LOXL3: variants seen among roughly 807,000 people sequenced by gnomAD.
The protein encoded by LOXL3 is lysyl oxidase homolog 3.
Under a neutral mutation model 91.8 loss-of-function variants are expected in LOXL3, and 60 were observed. That is an observed-to-expected ratio of 0.65 (90% CI 0.53 to 0.81). The LOEUF (loss-of-function observed/expected upper bound fraction) is 0.81. LOXL3 is among the 30% of genes least tolerant of loss of function. The probability of loss-of-function intolerance (pLI) is 0.00; values close to 1 mark genes in which losing one functional copy is unlikely to be tolerated. For synonymous variants in LOXL3, 355 were observed against 387.6 expected (o/e 0.92, Z 0.99); for missense variants, 874 against 1,000.4 (o/e 0.87, Z 1.70).
Position 74,536,074 on chromosome 2 carries a change from G to A in LOXL3, c.1170C>T (p.Asn390=). ...ELSLWKCPHK[N]ITAEDCSHSQ... is the part of the protein sequence containing the mutation. ...TATGTGAACAATCCTCAGCTGTGAT[G>A]TTCTTGTGGGGGCACTTCCAGAGGG... Residue 390 remains asparagine, a synonymous_variant, in exon 7 of 14, where the codon AAC becomes AAT. Transcript: ENST00000264094. The surrounding 1 kb of genome is among the most constrained non-coding windows in gnomAD (Gnocchi z 4.5). 6.2e-7 allele frequency: 1 copy of A among 1,613,330 alleles called. No homozygotes were observed. The highest frequency in any genetic ancestry group is 1.1e-5 in the South Asian group (1 of 91,038).
At chr2:74,542,602 T>C (rs1676386490) in intron 4 of LOXL3, among the ~76,000 whole-genome samples, 1 of 151,300 alleles carries the variant, frequency 6.6e-6, no homozygotes, top group Admixed American at 6.6e-5. Context: ...TCCATACTTA[T>C]CATCTTTATA....
At chr2:74,547,268 C>T (rs918218276) in intron 4 of LOXL3, among the ~76,000 whole-genome samples, 2 of 152,142 alleles carry the variant, frequency 1.3e-5, no homozygotes, top group African/African-American at 4.8e-5. Flanking sequence ...ATGCTTCCAC[C>T]GTGGCCTCCC....
upstream of LOXL3, chr2:74,555,338 CT>C (rs758618942): frequency 2.5e-6 from 4 of 1,613,870 alleles, no homozygotes; most frequent in African/African-American, 1.3e-5. The surrounding 1 kb of genome is among the most constrained non-coding windows in gnomAD (Gnocchi z 6.1). Context: ...GAGACCCCCC[CT>C]GAGCCCGGCG....
chr2:74,536,062 C>T lies in LOXL3; in HGVS notation c.1182G>A (p.Glu394=), dbSNP rs535229473. The change falls in exon 7 of 14, where the codon GAG becomes GAA. Residue 394 remains glutamate (E), a synonymous_variant. Coordinates refer to ENST00000264094, the MANE Select transcript of LOXL3 (RefSeq NM_032603.5). The surrounding 1 kb of genome is among the most constrained non-coding windows in gnomAD (Gnocchi z 4.5). ...CGGCATCCTGGCTATGTGAACAATC[C>T]TCAGCTGTGATGTTCTTGTGGGGGC... is the stretch of plus-strand genomic sequence containing the variant. The part of the protein sequence containing the change: ...WKCPHKNITA[E]DCSHSQDAGV... 9.9e-6 allele frequency: 16 copies of T among 1,612,086 alleles called. No individual in the cohort carries two copies. In the African/African-American group the frequency reaches 1.5e-4, roughly 15 times the overall value.
intron 4 of LOXL3, among the ~76,000 whole-genome samples, chr2:74,538,673 C>A (rs553717833): frequency 2.0e-5 from 3 of 152,156 alleles, no homozygotes; most frequent in Non-Finnish European, 4.4e-5. Context: ...AAAGGGGACG[C>A]TGAGTTTCCC....
Position 74,534,789 on chromosome 2 carries a change from G to A in LOXL3, c.1580-15C>T, listed in dbSNP as rs1276234142. On this transcript the variant is annotated splice_polypyrimidine_tract_variant and intron_variant, in intron 9 of 13. Transcript: ENST00000264094. ...ATCTGATGCAGCTGCACCAAGAAAG[G>A]AAGGGGGTGTTAGAAGTCACTGCTG... The A allele has an allele frequency of 3.7e-6, 6 of 1,606,626 alleles. No individual in the cohort carries two copies. The highest frequency in any genetic ancestry group is 5.1e-6 in the Non-Finnish European group (6 of 1,174,648).
intron 4 of LOXL3, among the ~76,000 whole-genome samples, chr2:74,540,244 A>G (rs911926424): frequency 6.6e-6 from 1 of 152,176 alleles, no homozygotes; most frequent in African/African-American, 2.4e-5. Context: ...CCCCCATGCC[A>G]GCACCCTCAG....
rs917726288 is a variant in LOXL3 at position 74,552,324 on chromosome 2, G to C, written c.311C>G (p.Thr104Arg). Residue 104 changes from threonine to arginine, a missense_variant and splice_region_variant, in exon 2 of 14, where the codon ACA becomes AGA. Physicochemically the swap from Thr to Arg is moderately conservative, Grantham distance 71 (BLOSUM62 -1). Transcript: ENST00000264094. Reference sequence around the variant, plus strand: ...GATATGCCTGGATCATTGCTCACCTGTTCCAGGGCCATATTTGGCACTGTG... The same window carrying C: ...GATATGCCTGGATCATTGCTCACCTCTTCCAGGGCCATATTTGGCACTGTG... ...WTHSAKYGPG[T>R]GRIWLDNLSC... is the part of the protein sequence containing the mutation. The C allele has an allele frequency of 1.3e-6, 2 of 1,596,844 alleles. No homozygotes were observed. Among genetic ancestry groups the C allele is most frequent in the Non-Finnish European group, 1.7e-6 (2 of 1,165,778 alleles).
Position 74,532,785 on chromosome 2 carries a change from C to T in LOXL3, c.*821G>A, listed in dbSNP as rs200301764. On this transcript the variant is annotated 3_prime_UTR_variant, in exon 14 of 14. Coordinates refer to ENST00000264094, the MANE Select transcript of LOXL3 (RefSeq NM_032603.5). ...ATGTGTCCTTGAACTAGGCTTTGTACTCCTTCCTTTCTCTCTGTCCATTTT... is the reference window on the plus strand; with the variant it reads ...ATGTGTCCTTGAACTAGGCTTTGTATTCCTTCCTTTCTCTCTGTCCATTTT... 4 of 1,613,852 alleles carry T rather than the reference C, an allele frequency of 2.5e-6. No individual in the cohort carries two copies. In the East Asian group the frequency reaches 6.7e-5, roughly 27 times the overall value.
chr2:74,537,714 A>G (rs1676105828), intron 4 of LOXL3, among the ~76,000 whole-genome samples: 1 of 152,250 alleles, frequency 6.6e-6, no homozygotes, highest in African/African-American at 2.4e-5. Flanking sequence ...AAGCCATCTG[A>G]ATAGGATAAT....
At position 74,536,378 on chromosome 2, in the gene LOXL3, AC is replaced by A; in HGVS notation, c.1005del (p.Lys335AsnfsTer23). ...ASTWGTVCDR[K>X]WDLHAASVVC... ...ACCACGCTGGCTGCATGCAGGTCCCACTTGCGGTCACAGACTGTGCCCCATG... is the reference window on the plus strand; with the variant it reads ...ACCACGCTGGCTGCATGCAGGTCCCATTGCGGTCACAGACTGTGCCCCATG... On this transcript the variant is annotated frameshift_variant, in exon 6 of 14. Coordinates refer to ENST00000264094, the MANE Select transcript of LOXL3 (RefSeq NM_032603.5). LOFTEE classifies it high-confidence loss of function. This position sits in a 1 kb window ranked among gnomAD's most constrained non-coding sequence, Gnocchi z 4.5. The A allele has an allele frequency of 6.2e-7, 1 of 1,613,986 alleles. No individual in the cohort carries two copies. The highest frequency in any genetic ancestry group is 8.5e-7 in the Non-Finnish European group (1 of 1,179,994).
At chr2:74,554,723 G>A (rs761014351), upstream of LOXL3, 1 of 1,598,310 alleles carries the variant, frequency 6.3e-7, no homozygotes, top group Non-Finnish European at 8.6e-7. This position sits in a 1 kb window ranked among gnomAD's most constrained non-coding sequence, Gnocchi z 4.9. Flanking sequence ...CCGCCGCAGG[G>A]CCAGGAAGCG....
intron 10 of LOXL3, 35 bp downstream of exon 10, chr2:74,534,496 G>A (rs1263836701): frequency 6.2e-7 from 1 of 1,613,652 alleles, no homozygotes. Context: ...ATCCCCCGTG[G>A]TCTTGCCCTT....
At position 74,536,203 on chromosome 2, in the gene LOXL3, C is replaced by T; in HGVS notation, c.1094-53G>A. On this transcript the variant is annotated intron_variant, in intron 6 of 13. Transcript: ENST00000264094. The surrounding 1 kb of genome is among the most constrained non-coding windows in gnomAD (Gnocchi z 4.5). The stretch of plus-strand genomic sequence containing the variant: ...GTTGTAATTAAGCATATATTGTCTG[C>T]CCAGGGGACACCTAACCTTCCGAAG... 4 of 1,611,818 alleles carry T rather than the reference C, an allele frequency of 2.5e-6. No individual in the cohort carries two copies. Among genetic ancestry groups the T allele is most frequent in the Non-Finnish European group, 3.4e-6 (4 of 1,179,794 alleles).
intron 2 of LOXL3, among the ~76,000 whole-genome samples, chr2:74,551,968 TG>T (rs1677045366): frequency 2.0e-5 from 3 of 152,292 alleles, no homozygotes; most frequent in Non-Finnish European, 4.4e-5. Flanking sequence ...ATCATTTACC[TG>T]CTCTTAGCGT....
chr2:74,533,855 TC>T (rs781490611), intron 13 of LOXL3, 26 bp downstream of exon 13: 1 of 1,575,400 alleles, frequency 6.3e-7, no homozygotes, highest in South Asian at 1.1e-5. Flanking sequence ...CCCCTAATCT[TC>T]CTGGGTTGCT....
At chr2:74,537,549 T>C (rs114064206) in intron 4 of LOXL3, among the ~76,000 whole-genome samples, 1,772 of 152,218 alleles carry the variant, frequency 0.012, 36 homozygotes, top group African/African-American at 0.041. Context: ...TGAAGATGTA[T>C]AAATGCAGGA....
In LOXL3 at chr2:74,534,633, T is replaced by C; in HGVS notation, c.1721A>G (p.His574Arg). Residue 574 changes from histidine to arginine, a missense_variant, in exon 10 of 14, where the codon CAC becomes CGC. His to Arg is a conservative substitution (Grantham distance 29). Transcript: ENST00000264094. ...GGAGGAGAATCGGAGCAGACGCCGG[T>C]GACCATAGGGCCAGTTGGCTGAGCG... ...SARSANWPYG[H>R]RRLLRFSSQI... 6.2e-7 allele frequency: 1 copy of C among 1,614,042 alleles called. No homozygotes were observed. The highest frequency in any genetic ancestry group is 8.5e-7 in the Non-Finnish European group (1 of 1,179,892).
rs1354909222 is a variant in LOXL3, at chr2:74,535,923, T to C, written c.1248+73A>G. 4.3e-5 allele frequency: 65 copies of C among 1,505,504 alleles called. No homozygotes were observed. Among genetic ancestry groups the C allele is most frequent in the Non-Finnish European group, 5.4e-5 (61 of 1,131,528 alleles). 93.3% of individuals were successfully genotyped at this position (1,505,504 alleles called of 1,614,324 possible). A position where few individuals can be genotyped will look rare whatever the true frequency, so the allele number is the denominator to read the frequency against. ...GCCTGGGGCAATGGGCTGGGGGCCA[T>C]TGGACTGTAGATTGGAGACCAGACC... On this transcript the variant is annotated intron_variant, in intron 7 of 13. Coordinates refer to ENST00000264094, the MANE Select transcript of LOXL3 (RefSeq NM_032603.5). This position sits in a 1 kb window ranked among gnomAD's most constrained non-coding sequence, Gnocchi z 4.2.
Sources: gnomAD v4.1 joint callset for allele counts (sites outside exome capture counted in the v4.1 genomes callset) on GRCh38, gnomAD v4.1.1 for gene constraint, Gnocchi (gnomAD v3.1) non-coding constraint, MANE v1.5 for transcripts, NCBI Gene and HGNC (gene_info 2026-07-23, HGNC 2026-07-21) for gene names.